The following RBFOX1 variants were observed in gnomAD, a reference collection of about 807,000 sequenced individuals.
RBFOX1 encodes the protein RNA binding fox-1 homolog 1.
In RBFOX1, 8 loss-of-function variants were observed where a neutral mutation model predicts 57.7. The observed-to-expected ratio is 0.14, with a 90% confidence interval of 0.08 to 0.25. The LOEUF is 0.25. Among genes scored for constraint, RBFOX1 ranks in the 10% least tolerant of loss-of-function variants. The probability of loss-of-function intolerance (pLI) is 1.00; values close to 1 mark genes in which losing one functional copy is unlikely to be tolerated. For missense variants in RBFOX1, 611 were observed against 548.5 expected (o/e 1.11, Z -1.14); for synonymous variants, 326 against 222.4 (o/e 1.47, Z -4.15).
intron 1 of RBFOX1, among the ~76,000 whole-genome samples, chr16:6,079,616 A>G (rs1457991814): frequency 1.3e-5 from 2 of 150,722 alleles, no homozygotes; most frequent in Admixed American, 6.6e-5. Context: ...AGTCCTTTTG[A>G]AATGGTACAG....
chr16:6,962,178 G>C (rs1568104725), intron 3 of RBFOX1, among the ~76,000 whole-genome samples: 1 of 152,100 alleles, frequency 6.6e-6, no homozygotes, highest in South Asian at 2.1e-4. Context: ...AATGCTCCTT[G>C]GTTTATGGCA....
intron 2 of RBFOX1, among the ~76,000 whole-genome samples, chr16:6,346,929 G>T (rs180984395): frequency 1.3e-5 from 2 of 152,202 alleles, no homozygotes; most frequent in East Asian, 3.9e-4. Context: ...AGGAGGATGG[G>T]CAAATTCAGG....
chr16:7,576,121 G>A (rs1008442508), intron 5 of RBFOX1, among the ~76,000 whole-genome samples: 2 of 150,084 alleles, frequency 1.3e-5, no homozygotes, highest in African/African-American at 2.5e-5. Flanking sequence ...AATTTATTTA[G>A]TGGAGACAGG....
chr16:5,935,975 G>T (rs1472712865), intron 4 of RBFOX1, among the ~76,000 whole-genome samples: 1 of 152,024 alleles, frequency 6.6e-6, no homozygotes, highest in Non-Finnish European at 1.5e-5. Context: ...CTGTAAACCT[G>T]CAAGCTCCAC....
intron 3 of RBFOX1, among the ~76,000 whole-genome samples, chr16:7,037,443 G>C (rs2044835515): frequency 6.6e-6 from 1 of 151,820 alleles, no homozygotes; most frequent in South Asian, 2.1e-4. Context: ...ATTCAAGATG[G>C]AGTTGCTCTG....
At chr16:7,113,813 C>T (rs188688276) in intron 4 of RBFOX1, among the ~76,000 whole-genome samples, 2 of 152,220 alleles carry the variant, frequency 1.3e-5, no homozygotes, top group African/African-American at 4.8e-5. Flanking sequence ...CCCTCCCGTG[C>T]TGATGGACAT....
At chr16:7,115,064 G>C (rs1436291180) in intron 4 of RBFOX1, among the ~76,000 whole-genome samples, 1 of 152,144 alleles carries the variant, frequency 6.6e-6, no homozygotes, top group East Asian at 1.9e-4. Flanking sequence ...GTTTGTGTTT[G>C]AAAAATATTC....
intron 3 of RBFOX1, among the ~76,000 whole-genome samples, chr16:6,939,506 C>CTTTTTT (rs796218936): frequency 1.8e-5 from 2 of 112,886 alleles, no homozygotes; most frequent in African/African-American, 3.1e-5. Context: ...ATTTTTCTTT[C>CTTTTTT]TTTTTTTTTT....
chr16:6,522,244 C>A (rs528138229), intron 2 of RBFOX1, among the ~76,000 whole-genome samples: 67 of 151,602 alleles, frequency 4.4e-4, no homozygotes, highest in African/African-American at 1.6e-3. Context: ...AGATAAACCT[C>A]TGCCCTACCC....
At chr16:5,810,341 A>G (rs60808513) in intron 3 of RBFOX1, among the ~76,000 whole-genome samples, 2,640 of 152,254 alleles carry the variant, frequency 0.017, 88 homozygotes, top group African/African-American at 0.06. Context: ...TTAAAAAAAG[A>G]TATAAGAATA....
intron 3 of RBFOX1, among the ~76,000 whole-genome samples, chr16:6,877,472 T>C (rs892057365): frequency 3.9e-5 from 6 of 152,112 alleles, no homozygotes; most frequent in Non-Finnish European, 7.4e-5. Flanking sequence ...TTCTGCTTGA[T>C]ATCAGACCAT....
At chr16:6,900,023 A>C (rs2068054772) in intron 3 of RBFOX1, among the ~76,000 whole-genome samples, 1 of 152,208 alleles carries the variant, frequency 6.6e-6, no homozygotes, top group Admixed American at 6.5e-5. Flanking sequence ...GAGGATGCTC[A>C]TAGCATCAAC....
chr16:7,301,140 A>G (rs1380082698), intron 4 of RBFOX1, among the ~76,000 whole-genome samples: 2 of 152,218 alleles, frequency 1.3e-5, no homozygotes, highest in African/African-American at 2.4e-5. Context: ...AAGTGTTGTC[A>G]TCAAGTGAGC....
intron 3 of RBFOX1, among the ~76,000 whole-genome samples, chr16:6,947,835 C>A (rs868544953): frequency 2.0e-5 from 3 of 152,222 alleles, no homozygotes; most frequent in South Asian, 2.1e-4. Context: ...GCAGTGCAGT[C>A]GTGCAATCTT....
At chr16:7,070,087 T>A (rs1293398819) in intron 4 of RBFOX1, among the ~76,000 whole-genome samples, 1 of 152,152 alleles carries the variant, frequency 6.6e-6, no homozygotes, top group African/African-American at 2.4e-5. Context: ...TGTTGTAGGA[T>A]GTGGATTCTT....
Position 7,635,818 on chromosome 16 carries a change from T to A in RBFOX1, c.757+5135T>A, listed in dbSNP as rs890484719. Reference sequence around the variant, plus strand: ...TACTTTTTATTTTATTTATTTATTTTTTTATTTTTTGAGATGGAGTCTTGC... The same window carrying A: ...TACTTTTTATTTTATTTATTTATTTATTTATTTTTTGAGATGGAGTCTTGC... On this transcript the variant is annotated intron_variant, in intron 11 of 15. Transcript: ENST00000550418. 2.2e-4 allele frequency among the ~76,000 whole-genome samples: 34 copies of A among 152,230 alleles called. 1 individual carries two copies. Among genetic ancestry groups the A allele is most frequent in the African/African-American group, 6.0e-4 (25 of 41,518 alleles).
At chr16:7,371,681 C>T (rs1276050364) in intron 4 of RBFOX1, among the ~76,000 whole-genome samples, 2 of 152,068 alleles carry the variant, frequency 1.3e-5, no homozygotes, top group African/African-American at 4.8e-5. Context: ...ACCCATGGGG[C>T]GGAGGTTGCA....
rs1048033362 is a variant in RBFOX1, at chr16:7,214,077, A to G, written c.27+161979A>G. On this transcript the variant is annotated intron_variant, in intron 4 of 15. Transcript: ENST00000550418. ...CTGGAAGCTTCTGAGCTTGCTATGG[A>G]AAAAAAAAAAATTTTTCCACTTCTT... Among the ~76,000 whole-genome samples, 16 of 54,604 alleles carry G rather than the reference A, an allele frequency of 2.9e-4. No individual in the cohort carries two copies. In the East Asian group the frequency reaches 3.1e-3, roughly 11 times the overall value. The allele number at this position is 54,604 out of a possible 152,430, so 35.8% of individuals were successfully genotyped here.
intron 3 of RBFOX1, among the ~76,000 whole-genome samples, chr16:5,814,754 C>G (rs1042905640): frequency 6.6e-6 from 1 of 152,048 alleles, no homozygotes; most frequent in African/African-American, 2.4e-5. Context: ...AGGTGAAACC[C>G]CGTCTCTACT....
Sources: allele counts gnomAD v4.1 joint callset (sites outside exome capture counted in the v4.1 genomes callset), GRCh38; gene constraint gnomAD v4.1.1; transcripts MANE v1.5; gene names NCBI Gene and HGNC (gene_info 2026-07-23, HGNC 2026-07-21).